Variants in CCDC25 observed in about 807,000 individuals in gnomAD.
The protein encoded by CCDC25 is coiled-coil domain containing 25, also known as coiled-coil domain-containing protein 25.
Under a neutral mutation model 35.3 loss-of-function variants are expected in CCDC25, and 16 were observed. That is an observed-to-expected ratio of 0.45 (90% CI 0.31 to 0.69). The LOEUF (loss-of-function observed/expected upper bound fraction) is 0.69. Ranked by LOEUF, CCDC25 falls within the 30% of genes least tolerant of loss-of-function variation. CCDC25 has a pLI of 0.06. For missense variants in CCDC25, 179 were observed against 250.7 expected (o/e 0.71, Z 1.93); for synonymous variants, 79 against 80.3 (o/e 0.98, Z 0.09).
At chr8:27,770,977 C>A (rs1804590198) in intron 1 of CCDC25, among the ~76,000 whole-genome samples, 1 of 152,178 alleles carries the variant, frequency 6.6e-6, no homozygotes, top group Non-Finnish European at 1.5e-5. Flanking sequence ...GAGGACAACA[C>A]TGAATTCCAT....
intron 7 of CCDC25, chr8:27,747,675 C>G (rs1054583718): frequency 5.5e-6 from 1 of 181,474 alleles, no homozygotes; most frequent in Admixed American, 5.7e-5. Flanking sequence ...GTTTTAAAAA[C>G]AGCTTTGAGA....
rs758425766 is a variant in CCDC25 at position 27,748,204 on chromosome 8, G to A, written c.424C>T (p.Pro142Ser). 2.0e-5 allele frequency: 32 copies of A among 1,613,684 alleles called. No individual in the cohort carries two copies. Among genetic ancestry groups the A allele is most frequent in the Non-Finnish European group, 2.7e-5 (32 of 1,179,836 alleles). ...RLEKTKVERF[P>S]DLAAEKECRD... ...CATTCTTTCTCTGCTGCTAGGTCTG[G>A]GAACCGCTCGACTTTGGTCTTTTCT... Residue 142 changes from proline (P) to serine (S), a missense_variant, in exon 7 of 9, where the codon CCA (proline) becomes TCA (serine). By Grantham distance (74) the Pro-to-Ser change is moderately conservative. Transcript: ENST00000356537.
chr8:27,737,588 T>C lies in CCDC25; in HGVS notation c.598-1343A>G, dbSNP rs1803278109. ...TCAACTGATCACGTTCTAAATTGGA[T>C]CATAAAACATCTGTATCACTTACAC... On this transcript the variant is annotated intron_variant, in intron 8 of 8. Transcript: ENST00000356537. This position sits in a 1 kb window ranked among gnomAD's most constrained non-coding sequence, Gnocchi z 4.6. 6.6e-6 allele frequency among the ~76,000 whole-genome samples: 1 copy of C among 152,180 alleles called. No individual in the cohort carries two copies. Among genetic ancestry groups the C allele is most frequent in the Non-Finnish European group, 1.5e-5 (1 of 68,016 alleles).
intron 1 of CCDC25, among the ~76,000 whole-genome samples, chr8:27,766,742 A>C (rs1250495466): frequency 6.6e-6 from 1 of 152,202 alleles, no homozygotes; most frequent in Non-Finnish European, 1.5e-5. Context: ...TAATCTTTTT[A>C]CAACCTAAAC....
chr8:27,756,473 C>T, intron 4 of CCDC25: 3 of 425,124 alleles, frequency 7.1e-6, no homozygotes, highest in East Asian at 4.2e-5. Flanking sequence ...GACAGCACAC[C>T]GGAAGTGACA....
At chr8:27,765,152 G>A (rs1804358087) in intron 2 of CCDC25, 52 bp downstream of exon 2, 1 of 1,461,602 alleles carries the variant, frequency 6.8e-7, no homozygotes, top group Non-Finnish European at 9.2e-7. Flanking sequence ...GTGAGTGAGA[G>A]ATAACACTTA....
At chr8:27,747,644 A>G (rs1174504941) in intron 7 of CCDC25, 1 of 175,442 alleles carries the variant, frequency 5.7e-6, no homozygotes, top group Non-Finnish European at 1.2e-5. Flanking sequence ...ATTACTTTAA[A>G]CTTTCAAAAT....
In CCDC25 at chr8:27,771,695, T is replaced by C. The variant is rs1158084884; in HGVS notation, c.28+818A>G. On this transcript the variant is annotated intron_variant, in intron 1 of 8. Transcript: ENST00000356537. ...ACACCATTTAATACCACGTGATAAG[T>C]GCAATGCCAAAGGCATACTTGGAAC... Among the ~76,000 whole-genome samples the C allele has an allele frequency of 2.6e-5, 4 of 152,102 alleles. No homozygotes were observed. The East Asian group carries it at 7.7e-4, about 29-fold the overall frequency.
intron 5 of CCDC25, among the ~76,000 whole-genome samples, chr8:27,749,017 C>T (rs549325770): frequency 6.6e-6 from 1 of 152,136 alleles, no homozygotes; most frequent in African/African-American, 2.4e-5. Context: ...GGGACTACCA[C>T]GAGCTAGCCG....
chr8:27,756,556 T>TA lies in CCDC25; in HGVS notation c.168+162dup, dbSNP rs146004247. 593 of 596,866 alleles carry TA rather than the reference T, an allele frequency of 9.9e-4. 7 individuals carry two copies. The highest frequency in any genetic ancestry group is 9.8e-3 in the African/African-American group (526 of 53,556). The allele number at this position is 596,866 out of a possible 1,614,324, so 37.0% of individuals were successfully genotyped here. Reference sequence around the variant, plus strand: ...ATATCTCAAAAATCATCTAGAATGTTAGAGTGATTTTCTGGGTCAGAGGGA... The same window carrying TA: ...ATATCTCAAAAATCATCTAGAATGTTAAGAGTGATTTTCTGGGTCAGAGGGA... On this transcript the variant is annotated intron_variant, in intron 4 of 8. Transcript: ENST00000356537.
chr8:27,747,533 C>A (rs1324727334), intron 7 of CCDC25, among the ~76,000 whole-genome samples: 5 of 152,190 alleles, frequency 3.3e-5, no homozygotes, highest in African/African-American at 1.2e-4. Context: ...CTAACATAAT[C>A]ATTATTCTCA....
At chr8:27,763,366 T>C (rs2128946063) in intron 2 of CCDC25, among the ~76,000 whole-genome samples, 1 of 152,352 alleles carries the variant, frequency 6.6e-6, no homozygotes, top group South Asian at 2.1e-4. Flanking sequence ...GCCATATTAA[T>C]AATTAGTAAT....
chr8:27,763,456 G>A (rs181410165), intron 2 of CCDC25, among the ~76,000 whole-genome samples: 5 of 152,296 alleles, frequency 3.3e-5, no homozygotes, highest in African/African-American at 7.2e-5. Context: ...AGTGGCTTAC[G>A]CCTGTAATCC....
intron 1 of CCDC25, among the ~76,000 whole-genome samples, chr8:27,769,230 G>A (rs1388558403): frequency 2.0e-5 from 3 of 152,116 alleles, no homozygotes; most frequent in Non-Finnish European, 2.9e-5. Flanking sequence ...AGCTGCACAA[G>A]TGCACTTTTA....
chr8:27,735,998 T>C lies in CCDC25; in HGVS notation c.*218A>G. The C allele has an allele frequency of 2.1e-6, 1 of 470,404 alleles. No individual in the cohort carries two copies. Among genetic ancestry groups the C allele is most frequent in the Non-Finnish European group, 3.8e-6 (1 of 265,032 alleles). 29.1% of individuals were successfully genotyped at this position (470,404 alleles called of 1,614,324 possible). On this transcript the variant is annotated 3_prime_UTR_variant, in exon 9 of 9. Coordinates refer to ENST00000356537, the MANE Select transcript of CCDC25 (RefSeq NM_018246.3). ...CTGGCAAAAACATTTTCACTTTAAG[T>C]TATATGCTGTCAAGTTCAACTATTT...
chr8:27,746,248 GACTA>G (rs1175271601), intron 7 of CCDC25, among the ~76,000 whole-genome samples: 1 of 152,194 alleles, frequency 6.6e-6, no homozygotes, highest in Non-Finnish European at 1.5e-5. Flanking sequence ...ATCAGACTGA[GACTA>G]ACTAGCCAAA....
chr8:27,748,370 G>T, intron 6 of CCDC25, 91 bp from the exon 7 acceptor site: 1 of 1,359,616 alleles, frequency 7.4e-7, no homozygotes, highest in Non-Finnish European at 1.0e-6. Flanking sequence ...TAGCAACCCA[G>T]TTTAATTCCC....
At position 27,733,474 on chromosome 8, in the gene CCDC25, C is replaced by T. The variant is rs1803106202; in HGVS notation, c.*2742G>A. 6.6e-6 allele frequency: 1 copy of T among 152,252 alleles called. No individual in the cohort carries two copies. Among genetic ancestry groups the T allele is most frequent in the African/African-American group, 2.4e-5 (1 of 41,452 alleles). The allele number at this position is 152,252 out of a possible 1,614,324, so 9.4% of individuals were successfully genotyped here. Reference sequence around the variant, plus strand: ...CACACGTGCCCGGCAGGAAGGAGCTCTCACGAAGTGCCAGCTGGATGTGAG... The same window carrying T: ...CACACGTGCCCGGCAGGAAGGAGCTTTCACGAAGTGCCAGCTGGATGTGAG... On this transcript the variant is annotated 3_prime_UTR_variant, in exon 9 of 9. Transcript: ENST00000356537.
chr8:27,747,575 A>G (rs1380900669), intron 7 of CCDC25, among the ~76,000 whole-genome samples: 1 of 152,248 alleles, frequency 6.6e-6, no homozygotes, highest in Non-Finnish European at 1.5e-5. Context: ...CAGGAGCCAA[A>G]TTGTATTTGA....
Sources: allele counts gnomAD v4.1 joint callset (sites outside exome capture counted in the v4.1 genomes callset), GRCh38; gene constraint gnomAD v4.1.1; non-coding constraint Gnocchi (gnomAD v3.1); transcripts MANE v1.5; gene names NCBI Gene and HGNC (gene_info 2026-07-23, HGNC 2026-07-21).